VWF: variants seen among roughly 807,000 people sequenced by gnomAD.
VWF encodes the protein Factor VIII related antigen.
In VWF, 176 loss-of-function variants were observed where a neutral mutation model predicts 308.6. The observed-to-expected ratio is 0.57, with a 90% CI of 0.50 to 0.65. VWF has a LOEUF of 0.65. Ranked by LOEUF, VWF falls within the 30% of genes least tolerant of loss-of-function variation. VWF has a pLI of 0.00. For synonymous variants in VWF, 1,385 were observed against 1,443.4 expected, an observed-to-expected ratio of 0.96 and a Z score of 0.92; for missense variants, 3,146 against 3,648.2, an observed-to-expected ratio of 0.86 and a Z score of 3.55.
intron 47 of VWF, among the ~76,000 whole-genome samples, chr12:5,955,295 C>A: frequency 6.6e-6 from 1 of 151,672 alleles, no homozygotes; most frequent in Non-Finnish European, 1.5e-5. Flanking sequence ...TATACATGTG[C>A]CATGCTGGTG....
At chr12:5,967,679 C>T (rs911172455) in intron 46 of VWF, 77 bp from the exon 47 acceptor site, 2 of 1,292,666 alleles carry the variant, frequency 1.5e-6, no homozygotes, top group Non-Finnish European at 1.1e-6. Flanking sequence ...TACCCTGTCT[C>T]CTGCCCACCC....
At chr12:6,035,747 G>A (rs1471111757) in intron 19 of VWF, among the ~76,000 whole-genome samples, 1 of 152,158 alleles carries the variant, frequency 6.6e-6, no homozygotes, top group African/African-American at 2.4e-5. Flanking sequence ...CTGGTGGGGC[G>A]AGGTCCCTGT....
chr12:6,064,814 C>T (rs1271626544), intron 11 of VWF, among the ~76,000 whole-genome samples: 1 of 152,208 alleles, frequency 6.6e-6, no homozygotes, highest in Admixed American at 6.5e-5. Flanking sequence ...GCCCCCACCC[C>T]AGCCATCCCC....
At chr12:6,099,861 G>C (rs1275801150) in intron 5 of VWF, among the ~76,000 whole-genome samples, 1 of 152,148 alleles carries the variant, frequency 6.6e-6, no homozygotes, top group Non-Finnish European at 1.5e-5. Context: ...AACACCAAAA[G>C]CAATGGCAAC....
At chr12:5,976,395 T>C in intron 42 of VWF, 135 bp from the exon 43 acceptor site, 3 of 1,111,518 alleles carry the variant, frequency 2.7e-6, no homozygotes, top group Middle Eastern at 2.7e-4. Context: ...TCTCCGCCCA[T>C]ATGCAGGGCT....
Position 6,062,734 on chromosome 12 carries a change from A to G in VWF, c.1533+220T>C, listed in dbSNP as rs534805605. Among the ~76,000 whole-genome samples, 45 of 152,238 alleles carry G rather than the reference A, an allele frequency of 3.0e-4. No homozygotes were observed. The South Asian group carries it at 8.9e-3, about 30-fold the overall frequency. ...ACCCCAGTCTAGAGGCCCTTGGGAT[A>G]GCAGAGCCCAGCAGGAAGAATCCCC... On this transcript the variant is annotated intron_variant, in intron 13 of 51. Transcript: ENST00000261405.
chr12:6,064,268 G>A lies in VWF; in HGVS notation c.1410C>T (p.Asp470=), dbSNP rs111867665. The part of the protein sequence containing the change: ...HGAGVAMDGQ[D]VQLPLLKGDL... ...TACCTTTCAGGAGGGGGAGCTGGAC[G>A]TCCTGGCCATCCATGGCAACTCCTG... is the stretch of plus-strand genomic sequence containing the variant. Residue 470 remains aspartate (D), a synonymous_variant, in exon 12 of 52, where the codon GAC becomes GAT. Coordinates refer to ENST00000261405, the MANE Select transcript of VWF (RefSeq NM_000552.5). 1.0e-4 allele frequency: 164 copies of A among 1,614,146 alleles called. 1 individual carries two copies. In the African/African-American group the frequency reaches 1.2e-3, roughly 12 times the overall value.
At chr12:6,102,271 G>A (rs1213525273) in intron 5 of VWF, among the ~76,000 whole-genome samples, 1 of 151,918 alleles carries the variant, frequency 6.6e-6, no homozygotes, top group Non-Finnish European at 1.5e-5. Context: ...GTGAAACCCT[G>A]TCTCTAATAA....
intron 38 of VWF, 126 bp downstream of exon 38, chr12:5,991,693 C>G: frequency 9.9e-7 from 1 of 1,006,554 alleles, no homozygotes; most frequent in South Asian, 1.3e-5. Flanking sequence ...CTCCCTATCC[C>G]TAATGATCCC....
chr12:6,081,576 G>A (rs1944910591), intron 6 of VWF, among the ~76,000 whole-genome samples: 1 of 152,172 alleles, frequency 6.6e-6, no homozygotes, highest in South Asian at 2.1e-4. Context: ...CTGACCTCGT[G>A]ATCCACCCGC....
rs933547639 is a variant in VWF, at chr12:6,046,520, G to A, written c.2281+203C>T. ...TCAAATACTCCTTGCCTCAATGGTC[G>A]GGATTGACACATGCAAAGACATGCC... On this transcript the variant is annotated intron_variant, in intron 17 of 51. Transcript: ENST00000261405. This position sits in a 1 kb window ranked among gnomAD's most constrained non-coding sequence, Gnocchi z 5.0. Among the ~76,000 whole-genome samples the A allele has an allele frequency of 3.3e-5, 5 of 152,232 alleles. No individual in the cohort carries two copies. The highest frequency in any genetic ancestry group is 7.2e-5 in the African/African-American group (3 of 41,450).
chr12:5,980,884 T>C (rs2136370067), intron 42 of VWF, among the ~76,000 whole-genome samples: 1 of 152,316 alleles, frequency 6.6e-6, no homozygotes, highest in Non-Finnish European at 1.5e-5. Context: ...TCTGGCTCAT[T>C]TCAGTTCTCA....
At chr12:6,095,845 C>A in intron 5 of VWF, 1 of 455,312 alleles carries the variant, frequency 2.2e-6, no homozygotes, top group East Asian at 4.7e-5. Context: ...AGTTGTCCCC[C>A]ACTCCCCAGG....
chr12:6,019,607 A>G lies in VWF; in HGVS notation c.3811T>C (p.Tyr1271His), dbSNP rs2136413782. The G allele has an allele frequency of 6.2e-7, 1 of 1,613,962 alleles. No homozygotes were observed. Among genetic ancestry groups the G allele is most frequent in the South Asian group, 1.1e-5 (1 of 91,078 alleles). ...ACCAGGTCCAGTAGCCTGCTGCAGT[A>G]GAAATCGTGCAACGGCGGTTCCGAG... ...DISEPPLHDF[Y>H]CSRLLDLVFL... The change falls in exon 28 of 52, where the codon TAC becomes CAC. Residue 1271 changes from tyrosine (Y) to histidine (H), a missense_variant. Physicochemically the swap from Tyr to His is moderately conservative, Grantham distance 83. This residue lies in a region of VWF where 853 missense variants were observed against 1,177.8 expected (regional missense o/e 0.72). Transcript: ENST00000261405. This position sits in a 1 kb window ranked among gnomAD's most constrained non-coding sequence, Gnocchi z 5.8.
At chr12:6,073,770 C>T in intron 7 of VWF, 29 bp from the exon 8 acceptor site, 1 of 1,613,342 alleles carries the variant, frequency 6.2e-7, no homozygotes, top group Non-Finnish European at 8.5e-7. Context: ...GGGGTCTACC[C>T]AGGGCAGGTC....
chr12:6,111,203 C>T (rs1359525530), intron 3 of VWF, among the ~76,000 whole-genome samples: 1 of 152,168 alleles, frequency 6.6e-6, no homozygotes, highest in Non-Finnish European at 1.5e-5. Context: ...GGCTCTCAAA[C>T]ATCACAAAAG....
intron 15 of VWF, among the ~76,000 whole-genome samples, chr12:6,055,604 A>G (rs1448152408): frequency 6.6e-6 from 1 of 152,088 alleles, no homozygotes; most frequent in Non-Finnish European, 1.5e-5. Context: ...ACATTTCTAC[A>G]ACTCAAAACA....
At chr12:5,994,822 T>C (rs1943791159) in intron 35 of VWF, among the ~76,000 whole-genome samples, 1 of 152,144 alleles carries the variant, frequency 6.6e-6, no homozygotes, top group African/African-American at 2.4e-5. Flanking sequence ...CAGGCTGTTG[T>C]AATACTGTAC....
chr12:5,987,973 T>C (rs1943697788), intron 38 of VWF, among the ~76,000 whole-genome samples: 1 of 152,194 alleles, frequency 6.6e-6, no homozygotes, highest in Admixed American at 6.5e-5. Flanking sequence ...GTGCTGTTTG[T>C]GGCATGTAAA....
Sources: allele counts gnomAD v4.1 joint callset (sites outside exome capture counted in the v4.1 genomes callset), GRCh38; gene constraint gnomAD v4.1.1; regional missense constraint gnomAD v4.1.1; non-coding constraint Gnocchi (gnomAD v3.1); transcripts MANE v1.5; gene names NCBI Gene and HGNC (gene_info 2026-07-23, HGNC 2026-07-21).